Variants in EFCAB14 observed in about 807,000 individuals in gnomAD.
EFCAB14 encodes EF-hand calcium-binding domain-containing protein 14.
Under a neutral mutation model 56.5 loss-of-function variants are expected in EFCAB14, and 43 were observed. The ratio of observed to expected loss-of-function variants is 0.76; its 90% CI spans 0.60 to 0.98. The LOEUF is 0.98. Ranked by LOEUF, EFCAB14 falls within the 50% of genes least tolerant of loss-of-function variation. The pLI, the probability that EFCAB14 is intolerant of heterozygous loss-of-function variation, is 0.00. For missense variants in EFCAB14, 538 were observed against 580.3 expected (o/e 0.93, Z 0.75); for synonymous variants, 235 against 212.9 (o/e 1.10, Z -0.90).
At chr1:46,715,175 C>T (rs1677368068) in intron 2 of EFCAB14, among the ~76,000 whole-genome samples, 1 of 152,140 alleles carries the variant, frequency 6.6e-6, no homozygotes, top group South Asian at 2.1e-4. Context: ...ACCAGTTCTT[C>T]CTGTTTCTTC....
intron 8 of EFCAB14, among the ~76,000 whole-genome samples, chr1:46,685,472 C>T (rs192419086): frequency 6.6e-6 from 1 of 152,268 alleles, no homozygotes; most frequent in East Asian, 1.9e-4. Flanking sequence ...CTAATAGTTA[C>T]TGTATAGTAG....
At chr1:46,706,817 GA>G (rs1677239862) in intron 3 of EFCAB14, among the ~76,000 whole-genome samples, 1 of 152,158 alleles carries the variant, frequency 6.6e-6, no homozygotes, top group East Asian at 1.9e-4. Context: ...AAATAGAACT[GA>G]ATGGAAAGTG....
intron 3 of EFCAB14, among the ~76,000 whole-genome samples, chr1:46,703,619 A>T (rs2148847968): frequency 6.6e-6 from 1 of 152,328 alleles, no homozygotes; most frequent in African/African-American, 2.4e-5. Context: ...GGAACAATAG[A>T]CAACACATTA....
At chr1:46,697,756 T>C (rs962390464) in intron 3 of EFCAB14, among the ~76,000 whole-genome samples, 27 of 152,078 alleles carry the variant, frequency 1.8e-4, no homozygotes, top group African/African-American at 5.5e-4. Flanking sequence ...TCTGCTCTCA[T>C]GGAGCATACA....
intron 3 of EFCAB14, 23 bp downstream of exon 3, chr1:46,707,883 A>G (rs766203344): frequency 7.5e-6 from 12 of 1,603,566 alleles, no homozygotes; most frequent in Non-Finnish European, 8.5e-6. Flanking sequence ...TAGCTTACAC[A>G]GCAAAAATCA....
chr1:46,704,242 C>T (rs1232223281), intron 3 of EFCAB14, among the ~76,000 whole-genome samples: 1 of 151,658 alleles, frequency 6.6e-6, no homozygotes, highest in Non-Finnish European at 1.5e-5. Flanking sequence ...CACTTGATTC[C>T]AGGAGTTTGC....
At chr1:46,703,287 T>C (rs1180276982) in intron 3 of EFCAB14, among the ~76,000 whole-genome samples, 1 of 152,138 alleles carries the variant, frequency 6.6e-6, no homozygotes, top group African/African-American at 2.4e-5. Context: ...TTTTTGTATT[T>C]TTAGTAGAGA....
chr1:46,685,554 A>G (rs796761280), intron 8 of EFCAB14, among the ~76,000 whole-genome samples: 13 of 152,352 alleles, frequency 8.5e-5, no homozygotes, highest in African/African-American at 3.1e-4. Flanking sequence ...TGTTTGAAGA[A>G]CTAATGGTAA....
In EFCAB14 at chr1:46,686,739, C is replaced by G. The variant is rs60098765; in HGVS notation, c.1074+45G>C. The G allele has an allele frequency of 8.8e-4, 1,389 of 1,573,892 alleles. 9 individuals carry two copies. The African/African-American group carries it at 0.015, about 16-fold the overall frequency. On this transcript the variant is annotated intron_variant, in intron 8 of 10. Transcript: ENST00000371933. ...GCAGTAGATCAAAAGCACAGAGATG[C>G]TGCTGCATTTACTTTTACTTCAGGG...
chr1:46,694,064 T>C (rs367985873), intron 4 of EFCAB14, among the ~76,000 whole-genome samples: 2 of 152,198 alleles, frequency 1.3e-5, no homozygotes, highest in Admixed American at 6.5e-5. Context: ...TTACACCTTA[T>C]ACAAAAATTA....
chr1:46,708,672 T>C (rs1399080038), intron 2 of EFCAB14, among the ~76,000 whole-genome samples: 2 of 152,216 alleles, frequency 1.3e-5, no homozygotes, highest in East Asian at 3.8e-4. Flanking sequence ...ATTTTTAATC[T>C]TTTTCATAAG....
In EFCAB14 at chr1:46,716,434, A is replaced by G. The variant is rs1677394832; in HGVS notation, c.195T>C (p.Tyr65=). The G allele has an allele frequency of 6.2e-7, 1 of 1,614,108 alleles. No homozygotes were observed. The highest frequency in any genetic ancestry group is 8.5e-7 in the Non-Finnish European group (1 of 1,180,010). Residue 65 remains tyrosine (Y), a synonymous_variant, in exon 2 of 11, where the codon TAT becomes TAC. Transcript: ENST00000371933. ...GATAACAGATCTTGCAGCATCGTAAATAGTCTCCCCTGCTCAAGAGGACAA... is the reference window on the plus strand; with the variant it reads ...GATAACAGATCTTGCAGCATCGTAAGTAGTCTCCCCTGCTCAAGAGGACAA... The part of the protein sequence containing the change: ...GNRSRFAKGD[Y]LRCCKICYPL...
At position 46,677,275 on chromosome 1, in the gene EFCAB14, A is replaced by T. The variant is rs1251365099; in HGVS notation, c.*1186T>A. 1 of 152,302 alleles carries T rather than the reference A, an allele frequency of 6.6e-6. No individual in the cohort carries two copies. Among genetic ancestry groups the T allele is most frequent in the Non-Finnish European group, 1.5e-5 (1 of 68,050 alleles). The allele number at this position is 152,302 out of a possible 1,614,324, so 9.4% of individuals were successfully genotyped here. ...CAGGCCTGCCCTGCTATACTTTGGCATCCTTTGGGTAGAAAGCCTCTAGCT... is the reference window on the plus strand; with the variant it reads ...CAGGCCTGCCCTGCTATACTTTGGCTTCCTTTGGGTAGAAAGCCTCTAGCT... On this transcript the variant is annotated 3_prime_UTR_variant, in exon 11 of 11. Coordinates refer to ENST00000371933, the MANE Select transcript of EFCAB14 (RefSeq NM_014774.3).
intron 7 of EFCAB14, 79 bp downstream of exon 7, chr1:46,688,274 T>C: frequency 2.9e-6 from 4 of 1,372,624 alleles, no homozygotes; most frequent in Non-Finnish European, 4.1e-6. Flanking sequence ...GCCAGAAGGC[T>C]GTTCTCAAAA....
At chr1:46,707,144 T>C (rs1397055022) in intron 3 of EFCAB14, among the ~76,000 whole-genome samples, 1 of 152,220 alleles carries the variant, frequency 6.6e-6, no homozygotes, top group East Asian at 1.9e-4. Context: ...CAATACCTTC[T>C]CAGCCCCAAG....
rs1439281411 is a variant in EFCAB14, at chr1:46,688,466, G to C, written c.874C>G (p.Leu292Val). The change falls in exon 7 of 11, where the codon CTC becomes GTC. Residue 292 changes from leucine to valine, a missense_variant. Transcript: ENST00000371933. ...VGYQRQNDLK[L>V]EGMNETVSNL... is the part of the protein sequence containing the mutation. Reference sequence around the variant, plus strand: ...CTGACTGTCTCGTTCATTCCCTCGAGTTTAAGATCATTCTGTCTCTGGTAC... The same window carrying C: ...CTGACTGTCTCGTTCATTCCCTCGACTTTAAGATCATTCTGTCTCTGGTAC... 6.2e-7 allele frequency: 1 copy of C among 1,613,926 alleles called. No individual in the cohort carries two copies. Among genetic ancestry groups the C allele is most frequent in the Admixed American group, 1.7e-5 (1 of 59,982 alleles).
chr1:46,687,152 A>G (rs1676896448), intron 7 of EFCAB14, among the ~76,000 whole-genome samples: 1 of 152,164 alleles, frequency 6.6e-6, no homozygotes, highest in Non-Finnish European at 1.5e-5. Context: ...TGAGCACGAT[A>G]CTGCTCTAAG....
chr1:46,697,286 T>C (rs1434188846), intron 3 of EFCAB14, among the ~76,000 whole-genome samples: 1 of 152,220 alleles, frequency 6.6e-6, no homozygotes, highest in Non-Finnish European at 1.5e-5. Flanking sequence ...CACTGACTGA[T>C]GCAATGTATG....
chr1:46,680,909 T>C lies in EFCAB14; in HGVS notation c.1313-2273A>G, dbSNP rs1275878936. Among the ~76,000 whole-genome samples the C allele has an allele frequency of 3.3e-5, 5 of 152,154 alleles. 1 individual carries two copies. The highest frequency in any genetic ancestry group is 4.4e-5 in the Non-Finnish European group (3 of 68,034). On this transcript the variant is annotated intron_variant, in intron 10 of 10. Transcript: ENST00000371933. Reference sequence around the variant, plus strand: ...ATGATTAGAGAATGTCTATCAATAGTTTCTTCTGGCATTTTCTCAAGGGCC... The same window carrying C: ...ATGATTAGAGAATGTCTATCAATAGCTTCTTCTGGCATTTTCTCAAGGGCC...
Sources: allele counts gnomAD v4.1 joint callset (sites outside exome capture counted in the v4.1 genomes callset), GRCh38; gene constraint gnomAD v4.1.1; transcripts MANE v1.5; gene names NCBI Gene and HGNC (gene_info 2026-07-23, HGNC 2026-07-21).